Variants in SCN9A observed in about 807,000 individuals in gnomAD.
The protein encoded by SCN9A is sodium channel protein type 9 subunit alpha.
A neutral mutation model predicts 187.0 loss-of-function variants in SCN9A; 131 were observed. That is an observed-to-expected ratio of 0.70 (90% CI 0.61 to 0.81). SCN9A has a LOEUF of 0.81. Among genes scored for constraint, SCN9A ranks in the 30% least tolerant of loss-of-function variants. The pLI, the probability that SCN9A is intolerant of heterozygous loss-of-function variation, is 0.00. For missense variants in SCN9A, 2,252 were observed against 2,396.6 expected (o/e 0.94, Z 1.26); for synonymous variants, 809 against 808.6 (o/e 1.00, Z -0.01).
intron 1 of SCN9A, among the ~76,000 whole-genome samples, chr2:166,316,373 G>C (rs1031966324): frequency 6.6e-6 from 1 of 152,164 alleles, no homozygotes; most frequent in African/African-American, 2.4e-5. Context: ...GGGGAAATCA[G>C]TGTTGCCTGT....
chr2:166,255,337 C>A (rs1696220400), intron 17 of SCN9A, among the ~76,000 whole-genome samples: 1 of 151,504 alleles, frequency 6.6e-6, no homozygotes, highest in African/African-American at 2.4e-5. Flanking sequence ...TTCTACTATA[C>A]TGCTTGAGTA....
intron 1 of SCN9A, among the ~76,000 whole-genome samples, chr2:166,364,020 G>T (rs1466519846): frequency 1.3e-5 from 2 of 151,974 alleles, no homozygotes; most frequent in Non-Finnish European, 2.9e-5. Flanking sequence ...GATTAAAAAT[G>T]AACAAAGGAT....
At chr2:166,330,116 G>A (rs1225228811) in intron 1 of SCN9A, among the ~76,000 whole-genome samples, 1 of 152,050 alleles carries the variant, frequency 6.6e-6, no homozygotes, top group Non-Finnish European at 1.5e-5. Flanking sequence ...TCCTTCTAAA[G>A]GTTAAATCAT....
At chr2:166,284,176 C>G (rs949847994) in intron 12 of SCN9A, among the ~76,000 whole-genome samples, 1 of 152,144 alleles carries the variant, frequency 6.6e-6, no homozygotes, top group South Asian at 2.1e-4. Context: ...ATATATGTAT[C>G]CGTCATAAAT....
In SCN9A at chr2:166,303,246, T is replaced by C. The variant is rs1553495224; in HGVS notation, c.745A>G (p.Met249Val). The change falls in exon 7 of 27, where the codon ATG (methionine) becomes GTG (valine). Residue 249 changes from methionine to valine, a missense_variant. By Grantham distance (21) the Met-to-Val change is conservative. Around this residue, in one of 7 missense-constraint regions of SCN9A, gnomAD observed 1,013 missense variants for 997.4 expected, o/e 1.02. Transcript: ENST00000642356. Reference protein sequence around the residue: ...IQSVKKLSDVMILTVFCLSVF... With the variant: ...IQSVKKLSDVVILTVFCLSVF... Reference sequence around the variant, plus strand: ...CTCAGACAGAACACAGTCAGGATCATGACATCAGAAAGCTTCTTCACTGAC... The same window carrying C: ...CTCAGACAGAACACAGTCAGGATCACGACATCAGAAAGCTTCTTCACTGAC... 2.5e-6 allele frequency: 4 copies of C among 1,613,722 alleles called. No individual in the cohort carries two copies. The highest frequency in any genetic ancestry group is 2.5e-6 in the Non-Finnish European group (3 of 1,179,750).
intron 1 of SCN9A, among the ~76,000 whole-genome samples, chr2:166,341,045 T>G (rs1297140567): frequency 6.6e-6 from 1 of 152,220 alleles, no homozygotes; most frequent in Admixed American, 6.5e-5. Context: ...TACTAAAGTA[T>G]TTTCTAAAGA....
intron 1 of SCN9A, among the ~76,000 whole-genome samples, chr2:166,363,838 C>T (rs1433995534): frequency 6.6e-6 from 1 of 151,920 alleles, no homozygotes; most frequent in Non-Finnish European, 1.5e-5. Flanking sequence ...AAAAAAAGAG[C>T]TGAATTGGAT....
intron 24 of SCN9A, among the ~76,000 whole-genome samples, chr2:166,208,218 A>G (rs1361219368): frequency 1.3e-5 from 2 of 152,178 alleles, no homozygotes; most frequent in African/African-American, 4.8e-5. Flanking sequence ...TGTATTACAT[A>G]GTAATAAAGA....
intron 1 of SCN9A, among the ~76,000 whole-genome samples, chr2:166,328,658 G>T (rs552286628): frequency 3.3e-5 from 5 of 152,172 alleles, no homozygotes; most frequent in Admixed American, 2.6e-4. Flanking sequence ...TAGACAAAAA[G>T]AATGGAAACA....
chr2:166,311,970 G>A (rs1035019339), intron 1 of SCN9A, among the ~76,000 whole-genome samples, 164 bp from the exon 2 acceptor site: 3 of 152,080 alleles, frequency 2.0e-5, no homozygotes, highest in African/African-American at 4.8e-5. Context: ...CAGGCAATGG[G>A]CGGGACTTAT....
intron 1 of SCN9A, among the ~76,000 whole-genome samples, chr2:166,356,557 G>A (rs766687711): frequency 6.6e-6 from 1 of 152,088 alleles, no homozygotes; most frequent in Non-Finnish European, 1.5e-5. Flanking sequence ...AAACTCAAAA[G>A]TATGTATAAC....
chr2:166,276,313 T>C (rs1697233884), intron 16 of SCN9A: 1 of 152,352 alleles, frequency 6.6e-6, no homozygotes, highest in Admixed American at 6.5e-5. Context: ...ATACGATTTC[T>C]ATGGCAGCTA....
At chr2:166,251,630 C>A in intron 18 of SCN9A, 135 bp downstream of exon 18, 1 of 888,646 alleles carries the variant, frequency 1.1e-6, no homozygotes, top group East Asian at 2.5e-5. Context: ...CCTTAATCAT[C>A]ATACAGCTAT....
rs772460858 is a variant in SCN9A at position 166,204,185 on chromosome 2, T to G, written c.4544A>C (p.Gln1515Pro). ...QGCIFDLVTN[Q>P]AFDISIMVLI... is the part of the protein sequence containing the mutation. ...AACCATGATACTAATATCAAAGGCTTGATTTGTCACTAGGTCAAATATACA... is the reference window on the plus strand; with the variant it reads ...AACCATGATACTAATATCAAAGGCTGGATTTGTCACTAGGTCAAATATACA... The change falls in exon 26 of 27, where the codon CAA becomes CCA. Residue 1515 changes from glutamine (Q) to proline (P), a missense_variant. Transcript: ENST00000642356. The G allele has an allele frequency of 6.2e-7, 1 of 1,612,404 alleles. No individual in the cohort carries two copies. Among genetic ancestry groups the G allele is most frequent in the Non-Finnish European group, 8.5e-7 (1 of 1,178,876 alleles).
intron 24 of SCN9A, among the ~76,000 whole-genome samples, chr2:166,209,881 C>T (rs1372190950): frequency 6.6e-6 from 1 of 152,122 alleles, no homozygotes; most frequent in Admixed American, 6.6e-5. Context: ...AGTTCAACCA[C>T]TGTGGAAGTC....
At chr2:166,314,784 C>T (rs1167962239) in intron 1 of SCN9A, among the ~76,000 whole-genome samples, 1 of 151,962 alleles carries the variant, frequency 6.6e-6, no homozygotes, top group African/African-American at 2.4e-5. Flanking sequence ...TATTTTTTGT[C>T]AGAGGCTGGG....
intron 7 of SCN9A, among the ~76,000 whole-genome samples, chr2:166,297,224 A>AAAAAAAAAAAAAAAC: frequency 7.1e-6 from 1 of 141,224 alleles, no homozygotes; most frequent in Admixed American, 7.1e-5. Context: ...AAAAAAAAAA[A>AAAAAAAAAAAAAAAC]AAAGAACCAT....
chr2:166,271,055 G>C (rs562468620), intron 17 of SCN9A, among the ~76,000 whole-genome samples: 4 of 152,004 alleles, frequency 2.6e-5, no homozygotes, highest in Admixed American at 2.6e-4. Context: ...TGCAGGTAAG[G>C]GTGGGAGAGG....
At chr2:166,353,575 A>G (rs1350839636) in intron 1 of SCN9A, among the ~76,000 whole-genome samples, 1 of 152,110 alleles carries the variant, frequency 6.6e-6, no homozygotes, top group Non-Finnish European at 1.5e-5. Flanking sequence ...GCATCCTCAT[A>G]ATGTTCCCTT....
Sources: allele counts gnomAD v4.1 joint callset (sites outside exome capture counted in the v4.1 genomes callset), GRCh38; gene constraint gnomAD v4.1.1; regional missense constraint gnomAD v4.1.1; transcripts MANE v1.5; gene names NCBI Gene and HGNC (gene_info 2026-07-23, HGNC 2026-07-21).